The following NRG1 variants were observed in gnomAD, a reference collection of about 807,000 sequenced individuals.
The protein encoded by NRG1 is pro-neuregulin-1, membrane-bound isoform.
Under a neutral mutation model 63.8 loss-of-function variants are expected in NRG1, and 18 were observed. The observed-to-expected ratio is 0.28, with a 90% CI of 0.19 to 0.42. The LOEUF (loss-of-function observed/expected upper bound fraction) is 0.42. Among genes scored for constraint, NRG1 ranks in the 10% least tolerant of loss-of-function variants. The pLI is 1.00. For synonymous variants in NRG1, 302 were observed against 301.3 expected, an observed-to-expected ratio of 1.00 and a Z score of -0.02; for missense variants, 762 against 814.7, an observed-to-expected ratio of 0.94 and a Z score of 0.79.
chr8:32,110,130 A>G (rs1254126143), intron 1 of NRG1, among the ~76,000 whole-genome samples: 2 of 152,204 alleles, frequency 1.3e-5, no homozygotes, highest in South Asian at 2.1e-4. Flanking sequence ...GTTTTAAAAA[A>G]TCTTGCTAGA....
chr8:32,713,956 C>G (rs1425392653), intron 5 of NRG1, among the ~76,000 whole-genome samples: 1 of 151,900 alleles, frequency 6.6e-6, no homozygotes, highest in Non-Finnish European at 1.5e-5. Context: ...TCCCCAGTAG[C>G]TGGGATTACA....
chr8:32,158,448 G>GATAGAT (rs1491221971), intron 1 of NRG1, among the ~76,000 whole-genome samples: 2 of 62,178 alleles, frequency 3.2e-5, no homozygotes, highest in Non-Finnish European at 7.8e-5. Flanking sequence ...TGGTTTACAT[G>GATAGAT]ATATATATAT....
At chr8:32,721,937 G>A in intron 5 of NRG1, 1 of 1,523,566 alleles carries the variant, frequency 6.6e-7, no homozygotes. Context: ...AATTGCAAAG[G>A]AGCTATATTC....
chr8:32,357,185 C>T (rs966983271), intron 1 of NRG1, among the ~76,000 whole-genome samples: 6 of 152,076 alleles, frequency 3.9e-5, no homozygotes, highest in Non-Finnish European at 7.3e-5. Flanking sequence ...TGCTCATTAA[C>T]GAAGCCACAG....
chr8:31,827,933 A>G (rs748373618), intron 1 of NRG1, among the ~76,000 whole-genome samples: 2 of 152,200 alleles, frequency 1.3e-5, no homozygotes, highest in African/African-American at 4.8e-5. Flanking sequence ...GTCTTACCTC[A>G]GGGTTTAAAG....
intron 5 of NRG1, among the ~76,000 whole-genome samples, chr8:32,718,250 G>T (rs1819745509): frequency 6.6e-6 from 1 of 152,162 alleles, no homozygotes; most frequent in Non-Finnish European, 1.5e-5. Flanking sequence ...GTGATAAGCA[G>T]TTTGAATGCC....
chr8:32,426,216 A>T (rs1817349427), intron 1 of NRG1, among the ~76,000 whole-genome samples: 1 of 152,178 alleles, frequency 6.6e-6, no homozygotes, highest in African/African-American at 2.4e-5. Flanking sequence ...TCATGACTAG[A>T]TAAATATCCA....
intron 1 of NRG1, among the ~76,000 whole-genome samples, chr8:32,238,296 C>A (rs1847772708): frequency 6.6e-6 from 1 of 151,948 alleles, no homozygotes; most frequent in African/African-American, 2.4e-5. Flanking sequence ...GAAACCCTGT[C>A]TCTACTAAAA....
intron 1 of NRG1, among the ~76,000 whole-genome samples, chr8:31,672,149 G>A (rs1450191544): frequency 6.6e-6 from 1 of 152,066 alleles, no homozygotes. Context: ...TATCAGCACA[G>A]TGTAATTCAC....
At chr8:32,328,528 C>A (rs1403943104) in intron 1 of NRG1, among the ~76,000 whole-genome samples, 3 of 151,550 alleles carry the variant, frequency 2.0e-5, no homozygotes, top group Non-Finnish European at 4.4e-5. Context: ...TCAAGCCAGG[C>A]CATTTAAAAT....
chr8:31,728,533 C>CT (rs1813687776), intron 1 of NRG1, among the ~76,000 whole-genome samples: 2 of 152,086 alleles, frequency 1.3e-5, no homozygotes, highest in Admixed American at 1.3e-4. Flanking sequence ...TTTCAAGGAA[C>CT]TTTTCTGCAG....
In NRG1 at chr8:32,295,055, A is replaced by T. The variant is rs374408494; in HGVS notation, c.38-300773A>T. ...TTAAATGTCATATTAACTCCCAGTTATACTGAAACCATTTTAAATGTTATA... is the reference window on the plus strand; with the variant it reads ...TTAAATGTCATATTAACTCCCAGTTTTACTGAAACCATTTTAAATGTTATA... On this transcript the variant is annotated intron_variant, in intron 1 of 10. Transcript: ENST00000519301. Among the ~76,000 whole-genome samples, 34 of 152,282 alleles carry T rather than the reference A, an allele frequency of 2.2e-4. 1 individual carries two copies. The highest frequency in any genetic ancestry group is 8.2e-4 in the African/African-American group (34 of 41,578).
At chr8:32,697,278 T>A (rs1159386655) in intron 5 of NRG1, among the ~76,000 whole-genome samples, 3 of 152,214 alleles carry the variant, frequency 2.0e-5, no homozygotes, top group African/African-American at 7.2e-5. Context: ...ATGGCTATAA[T>A]TTTCATCACC....
intron 1 of NRG1, among the ~76,000 whole-genome samples, chr8:31,861,179 T>G (rs768922344): frequency 1.3e-5 from 2 of 152,102 alleles, no homozygotes; most frequent in Non-Finnish European, 2.9e-5. Flanking sequence ...GAAAAAACAC[T>G]GAAAGGGTGC....
intron 1 of NRG1, among the ~76,000 whole-genome samples, chr8:32,032,388 G>A (rs908021147): frequency 3.0e-4 from 45 of 151,768 alleles, no homozygotes; most frequent in African/African-American, 4.6e-4. Flanking sequence ...CTCAGCCTCC[G>A]AAGTAGCTGG....
chr8:31,702,451 A>AT (rs10685166), intron 1 of NRG1, among the ~76,000 whole-genome samples: 33,610 of 146,356 alleles, frequency 0.23, 3,985 homozygotes, highest in Non-Finnish European at 0.26. Flanking sequence ...TTCCCATAAC[A>AT]TTTTTTTTTT....
chr8:32,238,386 C>A (rs1203555942), intron 1 of NRG1, among the ~76,000 whole-genome samples: 2 of 148,630 alleles, frequency 1.3e-5, no homozygotes, highest in African/African-American at 5.0e-5. Context: ...TTGAACATGG[C>A]GGAGATTGCA....
At chr8:32,329,260 C>T (rs1183904177) in intron 1 of NRG1, among the ~76,000 whole-genome samples, 1 of 152,098 alleles carries the variant, frequency 6.6e-6, no homozygotes, top group South Asian at 2.1e-4. Flanking sequence ...TGAGCCACTG[C>T]GCCCAGCTGA....
intron 1 of NRG1, among the ~76,000 whole-genome samples, chr8:32,520,736 T>C (rs920523819): frequency 2.0e-5 from 3 of 152,210 alleles, no homozygotes; most frequent in Admixed American, 6.5e-5. Context: ...TCAACTGCAG[T>C]CTGAAAATAT....
Sources: allele counts gnomAD v4.1 joint callset (sites outside exome capture counted in the v4.1 genomes callset), GRCh38; gene constraint gnomAD v4.1.1; transcripts MANE v1.5; gene names NCBI Gene and HGNC (gene_info 2026-07-23, HGNC 2026-07-21).